EPB41L4A: variants seen among roughly 807,000 people sequenced by gnomAD.
The protein encoded by EPB41L4A is erythrocyte membrane protein band 4.1 like 4A.
A neutral mutation model predicts 108.6 loss-of-function variants in EPB41L4A; 100 were observed. The observed-to-expected ratio is 0.92, with a 90% confidence interval of 0.78 to 1.09. The LOEUF is 1.09. Among genes scored for constraint, EPB41L4A ranks in the 50% least tolerant of loss-of-function variants. The pLI, the probability that EPB41L4A is intolerant of heterozygous loss-of-function variation, is 0.00. For missense variants in EPB41L4A, 1,030 were observed against 842.7 expected (o/e 1.22, Z -2.75); for synonymous variants, 319 against 289.0 (o/e 1.10, Z -1.05).
At chr5:112,182,404 C>T (rs1347504841) in intron 18 of EPB41L4A, among the ~76,000 whole-genome samples, 2 of 151,990 alleles carry the variant, frequency 1.3e-5, no homozygotes, top group Non-Finnish European at 2.9e-5. Flanking sequence ...ATTCTATTTC[C>T]CAATTTTTAT....
At chr5:112,234,952 A>G (rs757080550) in intron 11 of EPB41L4A, among the ~76,000 whole-genome samples, 197 bp from the exon 12 acceptor site, 13 of 152,226 alleles carry the variant, frequency 8.5e-5, no homozygotes, top group Non-Finnish European at 1.9e-4. Context: ...ATTAGATAGA[A>G]GGAAAATCTT....
At chr5:112,384,585 A>T (rs139087573) in intron 1 of EPB41L4A, among the ~76,000 whole-genome samples, 5 of 152,268 alleles carry the variant, frequency 3.3e-5, no homozygotes, top group African/African-American at 4.8e-5. Flanking sequence ...AGATGGGAGC[A>T]GAAGGTATGT....
intron 11 of EPB41L4A, among the ~76,000 whole-genome samples, chr5:112,237,769 C>A (rs2150374439): frequency 6.6e-6 from 1 of 152,296 alleles, no homozygotes; most frequent in East Asian, 1.9e-4. Context: ...ATCAGAGACC[C>A]ATCCCTGCCT....
intron 1 of EPB41L4A, among the ~76,000 whole-genome samples, chr5:112,362,941 A>G (rs1174218877): frequency 6.6e-6 from 1 of 151,936 alleles, no homozygotes; most frequent in South Asian, 2.1e-4. Flanking sequence ...GCAAGATTTC[A>G]GAAACCTTTA....
At chr5:112,208,244 C>CAAAAAAA (rs68152475) in intron 13 of EPB41L4A, among the ~76,000 whole-genome samples, 4,546 of 84,820 alleles carry the variant, frequency 0.054, 392 homozygotes, top group Non-Finnish European at 0.074. Flanking sequence ...GACTCCATCT[C>CAAAAAAA]AAAAAAAAAA....
At chr5:112,168,587 A>G in intron 22 of EPB41L4A, 152 bp downstream of exon 22, 1 of 637,648 alleles carries the variant, frequency 1.6e-6, no homozygotes, top group Non-Finnish European at 2.8e-6. Context: ...TCCTTCCATG[A>G]TTTCTCCACG....
intron 19 of EPB41L4A, 92 bp from the exon 20 acceptor site, chr5:112,170,461 T>C (rs1181441468): frequency 2.4e-6 from 2 of 828,300 alleles, no homozygotes; most frequent in African/African-American, 3.5e-5. Flanking sequence ...CCCTTTCTAA[T>C]CTTGTCCCAA....
intron 12 of EPB41L4A, among the ~76,000 whole-genome samples, chr5:112,219,375 T>C (rs1262102136): frequency 6.6e-6 from 1 of 152,164 alleles, no homozygotes; most frequent in East Asian, 1.9e-4. Flanking sequence ...AAGACATGCC[T>C]TCTGCCATGA....
At chr5:112,249,710 T>A (rs926122829) in intron 9 of EPB41L4A, 7 of 152,296 alleles carry the variant, frequency 4.6e-5, no homozygotes, top group African/African-American at 1.4e-4. Context: ...AGACACTGAA[T>A]AAAACATGAT....
chr5:112,252,062 T>C (rs924859503), intron 9 of EPB41L4A, among the ~76,000 whole-genome samples: 1 of 64 alleles, frequency 0.016, no homozygotes, highest in Admixed American at 0.17. Flanking sequence ...ATGTGTGGCT[T>C]TTTTTTGGAA....
At chr5:112,231,618 T>C (rs1748937908) in intron 12 of EPB41L4A, among the ~76,000 whole-genome samples, 1 of 149,926 alleles carries the variant, frequency 6.7e-6, no homozygotes, top group Non-Finnish European at 1.5e-5. Context: ...ACCCCGTCTC[T>C]ACTAAAAATA....
rs113328459 is a variant in EPB41L4A, at chr5:112,278,780, G to A, written c.256+1492C>T. Among the ~76,000 whole-genome samples the A allele has an allele frequency of 2.0e-3, 303 of 151,566 alleles. 2 individuals carry two copies. The highest frequency in any genetic ancestry group is 7.1e-3 in the African/African-American group (294 of 41,334). On this transcript the variant is annotated intron_variant, in intron 3 of 22. Transcript: ENST00000261486. ...TTTATTTTAAAATAATTGGCTGGGT[G>A]CAATGGCTCACACCTGTAATCCCAG...
chr5:112,194,827 A>G (rs1447081305), intron 16 of EPB41L4A, among the ~76,000 whole-genome samples, 182 bp from the exon 17 acceptor site: 2 of 152,196 alleles, frequency 1.3e-5, no homozygotes, highest in Non-Finnish European at 2.9e-5. Flanking sequence ...CATCTGACTG[A>G]GTCTATAGCT....
intron 15 of EPB41L4A, 37 bp from the exon 16 acceptor site, chr5:112,195,745 G>A (rs1201433221): frequency 6.3e-7 from 1 of 1,582,446 alleles, no homozygotes; most frequent in Admixed American, 1.7e-5. Context: ...GAAAACAGGA[G>A]ATTATCAATT....
intron 12 of EPB41L4A, among the ~76,000 whole-genome samples, chr5:112,152,710 T>C (rs144782281): frequency 1.5e-3 from 234 of 152,168 alleles, no homozygotes; most frequent in Non-Finnish European, 2.5e-3. Context: ...ATGACATAGC[T>C]ATACTATAAG....
chr5:112,202,323 A>G (rs1056704575), intron 15 of EPB41L4A, among the ~76,000 whole-genome samples: 1 of 152,122 alleles, frequency 6.6e-6, no homozygotes, highest in Non-Finnish European at 1.5e-5. Flanking sequence ...TCTCCAGGTA[A>G]CACCCACTTC....
chr5:112,186,074 T>A (rs183691708), intron 17 of EPB41L4A, among the ~76,000 whole-genome samples: 1 of 152,290 alleles, frequency 6.6e-6, no homozygotes, highest in Admixed American at 6.5e-5. Context: ...GGGCCCAGGA[T>A]TGGACACAAA....
intron 1 of EPB41L4A, among the ~76,000 whole-genome samples, chr5:112,314,534 A>AAAAAAAAAAAAAAAAAG (rs1755291445): frequency 7.5e-6 from 1 of 133,908 alleles, no homozygotes. Flanking sequence ...AAAAAAAAAA[A>AAAAAAAAAAAAAAAAAG]AAAAGAAAAG....
chr5:112,261,447 TATAAAGA>T (rs1751475870), intron 7 of EPB41L4A, among the ~76,000 whole-genome samples: 1 of 152,262 alleles, frequency 6.6e-6, no homozygotes, highest in South Asian at 2.1e-4. Context: ...ATTCATTTCC[TATAAAGA>T]ATAAAGTACC....
Sources: gnomAD v4.1 joint callset for allele counts (sites outside exome capture counted in the v4.1 genomes callset) on GRCh38, gnomAD v4.1.1 for gene constraint, MANE v1.5 for transcripts, NCBI Gene and HGNC (gene_info 2026-07-23, HGNC 2026-07-21) for gene names.